The following SLC14A2 variants were observed in gnomAD, a reference collection of about 807,000 sequenced individuals.
SLC14A2 encodes the protein solute carrier family 14 member 2.
A neutral mutation model predicts 104.6 loss-of-function variants in SLC14A2; 91 were observed. The ratio of observed to expected loss-of-function variants is 0.87; its 90% CI spans 0.73 to 1.04. SLC14A2 has a LOEUF of 1.04. Ranked by LOEUF, SLC14A2 falls within the 50% of genes least tolerant of loss-of-function variation. The pLI is 0.00. For missense variants in SLC14A2, 1,189 were observed against 1,156.0 expected, an observed-to-expected ratio of 1.03 and a Z score of -0.41; for synonymous variants, 476 against 466.4, an observed-to-expected ratio of 1.02 and a Z score of -0.27.
rs566287460 is a variant in SLC14A2 at position 45,372,156 on chromosome 18, A to T, written c.-124-111077A>T. 3.8e-3 allele frequency among the ~76,000 whole-genome samples: 577 copies of T among 152,168 alleles called. 3 individuals carry two copies. Among genetic ancestry groups the T allele is most frequent in the African/African-American group, 0.013 (555 of 41,504 alleles). On this transcript the variant is annotated intron_variant, in intron 1 of 20. Coordinates refer to the SLC14A2 transcript ENST00000586448. ...GCAAAACTCCATCTCTACTAAAAAT[A>T]CAAAAATTAGCCAGGAATGGTGGCA...
At chr18:45,308,491 A>G (rs1349086088) in intron 1 of SLC14A2, among the ~76,000 whole-genome samples, 1 of 152,208 alleles carries the variant, frequency 6.6e-6, no homozygotes, top group South Asian at 2.1e-4. Flanking sequence ...CTGAACTGCC[A>G]TATTAATCGC....
intron 10 of SLC14A2, among the ~76,000 whole-genome samples, chr18:45,653,872 G>A (rs536999681): frequency 1.3e-5 from 2 of 152,324 alleles, no homozygotes; most frequent in South Asian, 4.1e-4. Context: ...GGGGAATTAA[G>A]GGAGTTTATT....
chr18:45,241,354 A>T (rs932239258), intron 1 of SLC14A2, among the ~76,000 whole-genome samples: 38 of 152,218 alleles, frequency 2.5e-4, no homozygotes, highest in African/African-American at 8.9e-4. Flanking sequence ...AGGAGCGAGA[A>T]TGAAGATTTA....
At chr18:45,550,355 C>A (rs1598993188) in intron 2 of SLC14A2, among the ~76,000 whole-genome samples, 2 of 152,126 alleles carry the variant, frequency 1.3e-5, no homozygotes, top group Non-Finnish European at 2.9e-5. Context: ...ACTTCCATGC[C>A]CTTGTGCATC....
intron 5 of SLC14A2, chr18:45,634,971 G>A (rs1388948550): frequency 4.8e-6 from 2 of 413,890 alleles, no homozygotes; most frequent in Non-Finnish European, 9.7e-6. Context: ...GTGGGTCTGG[G>A]GTATATTTTA....
chr18:45,214,904 A>G (rs2083995200), intron 1 of SLC14A2, among the ~76,000 whole-genome samples: 1 of 128,954 alleles, frequency 7.8e-6, no homozygotes, highest in South Asian at 2.8e-4. Flanking sequence ...TATCTATCGG[A>G]CCATGTCTTT....
At chr18:45,454,487 A>G (rs1598843775) in intron 1 of SLC14A2, among the ~76,000 whole-genome samples, 1 of 152,118 alleles carries the variant, frequency 6.6e-6, no homozygotes, top group African/African-American at 2.4e-5. Flanking sequence ...TTCTTTTGCT[A>G]TGCAAAAGCT....
chr18:45,664,304 A>C (rs1568000029), intron 11 of SLC14A2, among the ~76,000 whole-genome samples: 1 of 152,226 alleles, frequency 6.6e-6, no homozygotes, highest in East Asian at 1.9e-4. Flanking sequence ...AACAGTTCCC[A>C]TCTATGGCAA....
At chr18:45,209,027 T>TAAA (rs199687506), upstream of SLC14A2, among the ~76,000 whole-genome samples, 2 of 144,352 alleles carry the variant, frequency 1.4e-5, no homozygotes, top group African/African-American at 5.2e-5. Context: ...AACAGGCATT[T>TAAA]AAAAAAAAAA....
chr18:45,476,657 T>C (rs1249840516), intron 1 of SLC14A2, among the ~76,000 whole-genome samples: 2 of 152,230 alleles, frequency 1.3e-5, no homozygotes, highest in African/African-American at 2.4e-5. Flanking sequence ...AGTCCCATAT[T>C]TCTTGGAGGC....
rs1223762927 is a variant in SLC14A2 at position 45,238,482 on chromosome 18, C to G, written c.-125+25291C>G. ...ATGCTCATGCTCCTTGGCCCAAAAA[C>G]TCTACTTCTAGAAATATAGCCAGGA... is the stretch of plus-strand genomic sequence containing the variant. On this transcript the variant is annotated intron_variant, in intron 1 of 20. Coordinates refer to the SLC14A2 transcript ENST00000586448. Among the ~76,000 whole-genome samples the G allele has an allele frequency of 3.3e-5, 5 of 152,154 alleles. 1 individual carries two copies. Among genetic ancestry groups the G allele is most frequent in the Admixed American group, 3.3e-4 (5 of 15,276 alleles).
intron 1 of SLC14A2, among the ~76,000 whole-genome samples, chr18:45,344,300 T>C (rs1450700044): frequency 1.3e-5 from 2 of 152,156 alleles, no homozygotes; most frequent in Non-Finnish European, 2.9e-5. Flanking sequence ...CCTGAAGTTC[T>C]CTAAGACCAC....
intron 2 of SLC14A2, among the ~76,000 whole-genome samples, chr18:45,498,066 C>A (rs1383698787): frequency 6.6e-6 from 1 of 152,126 alleles, no homozygotes; most frequent in Non-Finnish European, 1.5e-5. Flanking sequence ...AGATTCTGTT[C>A]ATGCCTTAGA....
chr18:45,613,506 T>C (rs1302630639), upstream of SLC14A2, among the ~76,000 whole-genome samples: 1 of 152,198 alleles, frequency 6.6e-6, no homozygotes, highest in Non-Finnish European at 1.5e-5. Context: ...GTTTGGAACT[T>C]CCTAAAGACT....
At chr18:45,301,685 C>T (rs1004001033) in intron 1 of SLC14A2, among the ~76,000 whole-genome samples, 8 of 152,188 alleles carry the variant, frequency 5.3e-5, no homozygotes, top group African/African-American at 1.9e-4. Flanking sequence ...AAGCTATAAG[C>T]CAAAGTAACA....
chr18:45,476,347 C>T (rs2087380518), intron 1 of SLC14A2, among the ~76,000 whole-genome samples: 1 of 152,204 alleles, frequency 6.6e-6, no homozygotes, highest in Admixed American at 6.5e-5. Context: ...GCAGAGAGAT[C>T]TGCTGTTAGT....
intron 10 of SLC14A2, among the ~76,000 whole-genome samples, chr18:45,653,318 CT>C (rs1449757919): frequency 6.6e-6 from 1 of 152,126 alleles, no homozygotes; most frequent in East Asian, 1.9e-4. Context: ...ATTAGGACCC[CT>C]CTTCAACAGT....
At chr18:45,506,818 C>G (rs1226304456) in intron 2 of SLC14A2, among the ~76,000 whole-genome samples, 2 of 152,210 alleles carry the variant, frequency 1.3e-5, no homozygotes, top group African/African-American at 4.8e-5. Flanking sequence ...TCCTAAGAAA[C>G]TGATATTCAA....
At chr18:45,507,597 G>T (rs1006717142) in intron 2 of SLC14A2, among the ~76,000 whole-genome samples, 7 of 152,204 alleles carry the variant, frequency 4.6e-5, no homozygotes, top group Non-Finnish European at 8.8e-5. Flanking sequence ...TCCTCAGTGG[G>T]CATACAATCT....
Sources: allele counts gnomAD v4.1 joint callset (sites outside exome capture counted in the v4.1 genomes callset), GRCh38; gene constraint gnomAD v4.1.1; transcripts MANE v1.5; gene names NCBI Gene and HGNC (gene_info 2026-07-23, HGNC 2026-07-21).